Variants in CHD9NB observed in about 807,000 individuals in gnomAD.
CHD9NB encodes CHD9 neighbor, also known as CHD9 neighbor protein.
the CHD9NB span, chr16:53,043,594 A>G: frequency 6.3e-6 from 1 of 158,524 alleles, no homozygotes; most frequent in African/African-American, 2.4e-5. Context: ...TGAGATCCAC[A>G]CACCCCACAC....
chr16:53,045,922 G>A, the CHD9NB span, among the ~76,000 whole-genome samples: 2 of 152,036 alleles, frequency 1.3e-5, no homozygotes, highest in African/African-American at 4.8e-5. Context: ...TTCTGCCCCT[G>A]CCTCTGGTTA....
At chr16:53,044,095 G>A in the CHD9NB span, 113,941 of 398,588 alleles carry the variant, frequency 0.29, 17,762 homozygotes, top group Non-Finnish European at 0.34. Flanking sequence ...CTTCCCTCGC[G>A]CTCTTCTTCA....
the CHD9NB span, among the ~76,000 whole-genome samples, chr16:53,044,782 T>C: frequency 1.6e-3 from 241 of 152,292 alleles, no homozygotes; most frequent in African/African-American, 5.3e-3. Context: ...AAGAAGTAGG[T>C]GTATTATTTA....
chr16:53,040,706 G>A, the CHD9NB span, among the ~76,000 whole-genome samples: 14 of 152,248 alleles, frequency 9.2e-5, no homozygotes, highest in African/African-American at 3.4e-4. Flanking sequence ...ATGAATACAG[G>A]AATGAATGAA....
the CHD9NB span, among the ~76,000 whole-genome samples, chr16:53,052,252 T>C: frequency 6.7e-6 from 1 of 149,648 alleles, no homozygotes; most frequent in African/African-American, 2.5e-5. Context: ...AATTAAAATT[T>C]AAAAATTAGC....
At chr16:53,043,803 T>G in the CHD9NB span, 3 of 388,412 alleles carry the variant, frequency 7.7e-6, no homozygotes, top group Admixed American at 1.3e-4. Flanking sequence ...GGAAATAGGA[T>G]TCCTTATAGA....
At chr16:53,044,467 C>CTAGT in the CHD9NB span, among the ~76,000 whole-genome samples, 1 of 152,162 alleles carries the variant, frequency 6.6e-6, no homozygotes, top group Non-Finnish European at 1.5e-5. Context: ...CCACCACCTC[C>CTAGT]TAGTTACCTG....
chr16:53,043,089 T>G, the CHD9NB span: 1 of 152,256 alleles, frequency 6.6e-6, no homozygotes, highest in Non-Finnish European at 1.5e-5. Flanking sequence ...ATGTGTTGTG[T>G]CAACATTTAT....
chr16:53,048,907 C>T, the CHD9NB span, among the ~76,000 whole-genome samples: 1 of 152,192 alleles, frequency 6.6e-6, no homozygotes, highest in Non-Finnish European at 1.5e-5. Context: ...GGTATATAAG[C>T]CTTTGGTGTT....
At chr16:53,046,075 T>A in the CHD9NB span, among the ~76,000 whole-genome samples, 18 of 152,250 alleles carry the variant, frequency 1.2e-4, no homozygotes, top group East Asian at 1.7e-3. Flanking sequence ...TATGATGCTA[T>A]TTACCTCTCC....
At chr16:53,043,406 C>A in the CHD9NB span, 1 of 152,290 alleles carries the variant, frequency 6.6e-6, no homozygotes, top group South Asian at 2.1e-4. Flanking sequence ...ACCTTGTTGC[C>A]TTCAATTTAC....
the CHD9NB span, among the ~76,000 whole-genome samples, chr16:53,049,922 G>C: frequency 6.6e-4 from 101 of 152,202 alleles, no homozygotes; most frequent in East Asian, 0.011. Flanking sequence ...TGCTTCCTGC[G>C]ACCGGGCACG....
the CHD9NB span, among the ~76,000 whole-genome samples, chr16:53,050,942 C>T: frequency 5.9e-5 from 9 of 151,682 alleles, no homozygotes; most frequent in African/African-American, 2.2e-4. Context: ...GGCTGGAGTG[C>T]AGTCGTGCGA....
the CHD9NB span, among the ~76,000 whole-genome samples, chr16:53,039,052 G>A: frequency 6.6e-6 from 1 of 151,766 alleles, no homozygotes; most frequent in Non-Finnish European, 1.5e-5. Context: ...CTTCTAATTG[G>A]TATTCATGCT....
chr16:53,049,556 C>G, the CHD9NB span, among the ~76,000 whole-genome samples: 1 of 152,108 alleles, frequency 6.6e-6, no homozygotes, highest in African/African-American at 2.4e-5. Flanking sequence ...TTAGCAGCAT[C>G]AATAAGTCCT....
the CHD9NB span, chr16:53,036,007 C>T: frequency 6.6e-6 from 1 of 151,596 alleles, no homozygotes; most frequent in Non-Finnish European, 1.5e-5. Flanking sequence ...TTAGGGCTCA[C>T]TCTAATCCAG....
chr16:53,049,603 G>A, the CHD9NB span, among the ~76,000 whole-genome samples: 1 of 152,150 alleles, frequency 6.6e-6, no homozygotes, highest in African/African-American at 2.4e-5. Flanking sequence ...ATAGGGGACA[G>A]GGGAGGGCTT....
At chr16:53,046,044 G>C in the CHD9NB span, among the ~76,000 whole-genome samples, 11 of 152,152 alleles carry the variant, frequency 7.2e-5, no homozygotes, top group Non-Finnish European at 1.3e-4. Context: ...GGGCCTGGCA[G>C]AGTGACAATT....
the CHD9NB span, among the ~76,000 whole-genome samples, chr16:53,046,513 C>CAA: frequency 1.2e-4 from 17 of 144,208 alleles, no homozygotes; most frequent in African/African-American, 3.6e-4. Context: ...CCATCTCTAC[C>CAA]AAAAAAAAAA....
Sources: allele counts gnomAD v4.1 joint callset (sites outside exome capture counted in the v4.1 genomes callset), GRCh38; gene constraint gnomAD v4.1.1; transcripts MANE v1.5; gene names NCBI Gene and HGNC (gene_info 2026-07-23, HGNC 2026-07-21).